The following LAMB4 variants were observed in gnomAD, a reference collection of about 807,000 sequenced individuals.
The protein encoded by LAMB4 is laminin subunit beta 4.
In LAMB4, 196 loss-of-function variants were observed where a neutral mutation model predicts 199.2. The observed-to-expected ratio is 0.98, with a 90% CI of 0.88 to 1.11. LAMB4 has a LOEUF of 1.11. Among genes scored for constraint, LAMB4 ranks in the 50% least tolerant of loss-of-function variants. The pLI, the probability that LAMB4 is intolerant of heterozygous loss-of-function variation, is 0.00. For synonymous variants in LAMB4, 744 were observed against 770.6 expected (o/e 0.97, Z 0.57); for missense variants, 2,080 against 2,171.2 (o/e 0.96, Z 0.83).
chr7:108,126,550 C>CTT (rs2038786753), intron 1 of LAMB4, among the ~76,000 whole-genome samples: 1 of 45,464 alleles, frequency 2.2e-5, no homozygotes, highest in Non-Finnish European at 4.1e-5. Flanking sequence ...GTCAGAATTT[C>CTT]TTTCTTTTTT....
rs2037941124 is a variant in LAMB4, at chr7:108,104,708, T to C, written c.871-89A>G. 4 of 1,466,226 alleles carry C rather than the reference T, an allele frequency of 2.7e-6. No individual in the cohort carries two copies. In the South Asian group the frequency reaches 3.9e-5, roughly 14 times the overall value. The allele number at this position is 1,466,226 out of a possible 1,614,324, so 90.8% of individuals were successfully genotyped here. ...AAATGGGAAATGAAATACCAGGTCC[T>C]GGTACCTCTCTGATCCTTAGTTTCC... On this transcript the variant is annotated intron_variant, in intron 8 of 33. Transcript: ENST00000388781.
At chr7:108,025,652 TC>T (rs2034813855) in intron 33 of LAMB4, among the ~76,000 whole-genome samples, 2 of 152,078 alleles carry the variant, frequency 1.3e-5, no homozygotes, top group African/African-American at 4.8e-5. Context: ...GGTCTTGAAC[TC>T]CCAACCTCAG....
intron 26 of LAMB4, 125 bp downstream of exon 26, chr7:108,051,972 G>C: frequency 3.2e-6 from 2 of 620,242 alleles, no homozygotes; most frequent in Non-Finnish European, 5.4e-6. Flanking sequence ...TTTAATGGTT[G>C]TGTTTGCATG....
chr7:108,066,304 C>T, intron 20 of LAMB4, 65 bp downstream of exon 20: 1 of 1,175,718 alleles, frequency 8.5e-7, no homozygotes, highest in Non-Finnish European at 1.2e-6. Context: ...CTCAATGGAT[C>T]TCTATTAGGA....
At chr7:108,061,374 G>A (rs923576881) in intron 23 of LAMB4, among the ~76,000 whole-genome samples, 3 of 152,042 alleles carry the variant, frequency 2.0e-5, no homozygotes, top group African/African-American at 7.2e-5. Flanking sequence ...TGGATATGGG[G>A]TTTATTTTCT....
At chr7:108,015,716 AT>A in the LAMB4 span, among the ~76,000 whole-genome samples, 1 of 136,764 alleles carries the variant, frequency 7.3e-6, no homozygotes, top group African/African-American at 2.6e-5. Flanking sequence ...ATGTAGTCCT[AT>A]TTTTAAAAAC....
Position 108,091,697 on chromosome 7 carries a change from A to G in LAMB4, c.1630T>C (p.Phe544Leu). 1 of 1,614,238 alleles carries G rather than the reference A, an allele frequency of 6.2e-7. No individual in the cohort carries two copies. The change falls in exon 14 of 34, where the codon TTC (phenylalanine) becomes CTC (leucine). Residue 544 changes from phenylalanine (F) to leucine (L), a missense_variant. Coordinates refer to ENST00000388781, the MANE Select transcript of LAMB4 (RefSeq NM_007356.3). ...AGATAGAAATTCAAAGGAGCAAAGA[A>G]GTAGCCAGGGGCTGGTTCAGAGCAG... Reference protein sequence around the residue: ...RSCSEPAPGYFFAPLNFYLYE... With the variant: ...RSCSEPAPGYLFAPLNFYLYE...
At chr7:108,060,982 G>A (rs1441119141) in intron 23 of LAMB4, among the ~76,000 whole-genome samples, 1 of 152,196 alleles carries the variant, frequency 6.6e-6, no homozygotes, top group East Asian at 1.9e-4. Context: ...CTTCAGCCAG[G>A]TGACCAAGAC....
intron 1 of LAMB4, 61 bp from the exon 2 acceptor site, chr7:108,123,258 G>A (rs1267770712): frequency 2.8e-6 from 3 of 1,069,570 alleles, no homozygotes; most frequent in Non-Finnish European, 4.2e-6. Flanking sequence ...ATCATCACAT[G>A]TTATGTAAAA....
At chr7:108,110,276 A>G (rs1240699227) in intron 4 of LAMB4, among the ~76,000 whole-genome samples, 2 of 152,144 alleles carry the variant, frequency 1.3e-5, no homozygotes, top group Non-Finnish European at 2.9e-5. Flanking sequence ...TGATCTGCCT[A>G]TCTTGGCCTC....
chr7:108,091,625 C>A lies in LAMB4; in HGVS notation c.1701+1G>T. 1 of 1,611,960 alleles carries A rather than the reference C, an allele frequency of 6.2e-7. No individual in the cohort carries two copies. The highest frequency in any genetic ancestry group is 8.5e-7 in the Non-Finnish European group (1 of 1,179,258). On this transcript the variant is annotated splice_donor_variant, in intron 14 of 33. Transcript: ENST00000388781. LOFTEE classifies it high-confidence loss of function. Reference sequence around the variant, plus strand: ...GTAGGGAAAGTAAATGAAATACGAACCAAAGGCGCCAGTCCTTGGAGTGTT... The same window carrying A: ...GTAGGGAAAGTAAATGAAATACGAAACAAAGGCGCCAGTCCTTGGAGTGTT...
intron 27 of LAMB4, among the ~76,000 whole-genome samples, chr7:108,048,361 T>A (rs1173681133): frequency 6.6e-6 from 1 of 152,112 alleles, no homozygotes. Context: ...AGACAGGGTT[T>A]CACCATTTTG....
intron 9 of LAMB4, 34 bp from the exon 10 acceptor site, chr7:108,103,266 TA>T: frequency 6.6e-7 from 1 of 1,507,394 alleles, no homozygotes; most frequent in South Asian, 1.3e-5. Context: ...AGAGGTAGAC[TA>T]AGGCCTCGGG....
chr7:108,047,855 G>T, intron 28 of LAMB4, 53 bp downstream of exon 28: 1 of 1,459,486 alleles, frequency 6.9e-7, no homozygotes, highest in Non-Finnish European at 9.6e-7. Context: ...ATTTTAAGCA[G>T]TCTGCTTCTT....
intron 14 of LAMB4, among the ~76,000 whole-genome samples, chr7:108,089,638 A>T (rs1005462472): frequency 6.6e-6 from 1 of 152,214 alleles, no homozygotes; most frequent in East Asian, 1.9e-4. Context: ...CACATTGTAC[A>T]ACATCTTAAT....
At chr7:108,014,827 A>T in the LAMB4 span, among the ~76,000 whole-genome samples, 1 of 151,410 alleles carries the variant, frequency 6.6e-6, no homozygotes, top group African/African-American at 2.4e-5. Flanking sequence ...GGCTGAACTG[A>T]TCCTCTTACC....
At position 108,108,334 on chromosome 7, in the gene LAMB4, T is replaced by A. The variant is rs192651956; in HGVS notation, c.403-515A>T. On this transcript the variant is annotated intron_variant, in intron 5 of 33. Coordinates refer to ENST00000388781, the MANE Select transcript of LAMB4 (RefSeq NM_007356.3). ...ATAATCTAATTACATTGTAAAAATG[T>A]TTATGGCTTTGTGAATTATTAATTG... 1.1e-4 allele frequency among the ~76,000 whole-genome samples: 17 copies of A among 152,334 alleles called. No individual in the cohort carries two copies. The East Asian group carries it at 3.3e-3, about 29-fold the overall frequency.
chr7:108,083,920 T>G (rs936733635), intron 14 of LAMB4, among the ~76,000 whole-genome samples: 1 of 152,202 alleles, frequency 6.6e-6, no homozygotes, highest in Admixed American at 6.5e-5. Flanking sequence ...CTACATGGTC[T>G]CTTGGGCTCC....
intron 19 of LAMB4, 121 bp from the exon 20 acceptor site, chr7:108,066,721 G>A (rs760009213): frequency 1.9e-5 from 12 of 647,944 alleles, no homozygotes; most frequent in African/African-American, 5.4e-5. Flanking sequence ...AGCCTGTAAC[G>A]TGCTTAGGAC....
Sources: gnomAD v4.1 joint callset for allele counts (sites outside exome capture counted in the v4.1 genomes callset) on GRCh38, gnomAD v4.1.1 for gene constraint, MANE v1.5 for transcripts, NCBI Gene and HGNC (gene_info 2026-07-23, HGNC 2026-07-21) for gene names.